The following TAFA5 variants were observed in gnomAD, a reference collection of about 807,000 sequenced individuals.
TAFA5 encodes chemokine-like protein TAFA-5.
Under a neutral mutation model 15.3 loss-of-function variants are expected in TAFA5, and 6 were observed. That is an observed-to-expected ratio of 0.39 (90% CI 0.21 to 0.77). TAFA5 has a LOEUF of 0.77. Ranked by LOEUF, TAFA5 falls within the 30% of genes least tolerant of loss-of-function variation. The pLI is 0.41. For missense variants in TAFA5, 161 were observed against 193.1 expected (o/e 0.83, Z 0.98); for synonymous variants, 103 against 80.7 (o/e 1.28, Z -1.48).
At chr22:48,684,134 T>C (rs2147232590) in intron 2 of TAFA5, among the ~76,000 whole-genome samples, 1 of 152,318 alleles carries the variant, frequency 6.6e-6, no homozygotes, top group East Asian at 1.9e-4. Context: ...AGCCGTTACC[T>C]GAATTCCAGG....
chr22:48,628,995 G>A (rs1443682683), intron 1 of TAFA5, among the ~76,000 whole-genome samples: 1 of 152,164 alleles, frequency 6.6e-6, no homozygotes, highest in African/African-American at 2.4e-5. Context: ...AAGAGGAGAG[G>A]AGTAAAGAGG....
At chr22:48,516,129 G>A (rs1246886008) in intron 1 of TAFA5, among the ~76,000 whole-genome samples, 1 of 152,124 alleles carries the variant, frequency 6.6e-6, no homozygotes, top group South Asian at 2.1e-4. Flanking sequence ...GCCCGGCAAC[G>A]CACTTGCCAT....
intron 1 of TAFA5, among the ~76,000 whole-genome samples, chr22:48,634,323 CACTT>C (rs1280547172): frequency 5.9e-5 from 9 of 152,184 alleles, no homozygotes; most frequent in Non-Finnish European, 1.2e-4. Flanking sequence ...TTTATTCACT[CACTT>C]ATTCAATCAT....
intron 3 of TAFA5, among the ~76,000 whole-genome samples, chr22:48,709,152 C>T (rs575920625): frequency 9.9e-5 from 15 of 152,272 alleles, no homozygotes; most frequent in African/African-American, 3.1e-4. Context: ...AGGGCCTCCC[C>T]AGGTGTGGGC....
rs1008177348 is a variant in TAFA5 at position 48,515,238 on chromosome 22, C to T, written c.112+25534C>T. On this transcript the variant is annotated intron_variant, in intron 1 of 3. Coordinates refer to ENST00000402357, the MANE Select transcript of TAFA5 (RefSeq NM_001082967.3). ...CCTCTCAGCAGTGGGTGAAGAACCTCAGTTAGGAATTATTCCCTGGAAAGG... is the reference window on the plus strand; with the variant it reads ...CCTCTCAGCAGTGGGTGAAGAACCTTAGTTAGGAATTATTCCCTGGAAAGG... 2.0e-5 allele frequency among the ~76,000 whole-genome samples: 3 copies of T among 151,998 alleles called. No individual in the cohort carries two copies. The South Asian group carries it at 6.2e-4, about 31-fold the overall frequency.
rs1007911310 is a variant in TAFA5 at position 48,598,444 on chromosome 22, G to A, written c.113-48153G>A. On this transcript the variant is annotated intron_variant, in intron 1 of 3. Coordinates refer to ENST00000402357, the MANE Select transcript of TAFA5 (RefSeq NM_001082967.3). This position sits in a 1 kb window ranked among gnomAD's most constrained non-coding sequence, Gnocchi z 4.0. ...TGTGATCGTGCTTAGTGTTTATGGC[G>A]TGGGGCTGAGGGAGACCACACAGGA... is the stretch of plus-strand genomic sequence containing the variant. Among the ~76,000 whole-genome samples, 4 of 152,166 alleles carry A rather than the reference G, an allele frequency of 2.6e-5. No homozygotes were observed. The highest frequency in any genetic ancestry group is 4.4e-5 in the Non-Finnish European group (3 of 68,022).
chr22:48,689,191 C>T (rs866816313), intron 2 of TAFA5, among the ~76,000 whole-genome samples: 3 of 152,042 alleles, frequency 2.0e-5, no homozygotes, highest in African/African-American at 4.8e-5. Flanking sequence ...TAGGGAGGCG[C>T]GGTTTTCAAA....
At position 48,671,910 on chromosome 22, in the gene TAFA5, G is replaced by A. The variant is rs79515042; in HGVS notation, c.262+25164G>A. 4.8e-3 allele frequency among the ~76,000 whole-genome samples: 735 copies of A among 152,244 alleles called. 7 individuals are homozygous for A. Among genetic ancestry groups the A allele is most frequent in the African/African-American group, 0.017 (695 of 41,526 alleles). Reference sequence around the variant, plus strand: ...TATCTGATGAGTGGGGAGTAAGCCCGGGCTGTGAAACTGCATCCTTGGGGT... The same window carrying A: ...TATCTGATGAGTGGGGAGTAAGCCCAGGCTGTGAAACTGCATCCTTGGGGT... On this transcript the variant is annotated intron_variant, in intron 2 of 3. Transcript: ENST00000402357.
At chr22:48,512,125 G>T (rs1032853491) in intron 1 of TAFA5, among the ~76,000 whole-genome samples, 1 of 152,198 alleles carries the variant, frequency 6.6e-6, no homozygotes, top group Non-Finnish European at 1.5e-5. Context: ...AGGCTGCAAG[G>T]TGACTGAGCC....
chr22:48,532,496 T>G (rs567054824), intron 1 of TAFA5, among the ~76,000 whole-genome samples: 4 of 152,270 alleles, frequency 2.6e-5, no homozygotes, highest in African/African-American at 7.2e-5. Context: ...TGTATTTTGG[T>G]CTCAGGTTTT....
rs1601558659 is a variant in TAFA5, at chr22:48,530,889, G to A, written c.112+41185G>A. 6.6e-6 allele frequency among the ~76,000 whole-genome samples: 1 copy of A among 152,198 alleles called. No individual in the cohort carries two copies. Among genetic ancestry groups the A allele is most frequent in the African/African-American group, 2.4e-5 (1 of 41,454 alleles). On this transcript the variant is annotated intron_variant, in intron 1 of 3. Coordinates refer to ENST00000402357, the MANE Select transcript of TAFA5 (RefSeq NM_001082967.3). The surrounding 1 kb of genome is among the most constrained non-coding windows in gnomAD (Gnocchi z 6.0). ...TGTCCCTCGGGTTCCAAATGAAAGT[G>A]GCTGAGATGTCACAGTGACATGACA...
chr22:48,644,996 G>A (rs1926813988), intron 1 of TAFA5, among the ~76,000 whole-genome samples: 1 of 152,266 alleles, frequency 6.6e-6, no homozygotes, highest in South Asian at 2.1e-4. Context: ...CCAGCTGGAA[G>A]GGGCCCCTGG....
chr22:48,506,310 C>T (rs1056834747), intron 1 of TAFA5, among the ~76,000 whole-genome samples: 2 of 152,242 alleles, frequency 1.3e-5, no homozygotes, highest in Admixed American at 6.5e-5. Flanking sequence ...CAGCCGGGAA[C>T]ATGGGGTCCA....
At chr22:48,689,048 C>T (rs377461296) in intron 2 of TAFA5, among the ~76,000 whole-genome samples, 36 of 150,080 alleles carry the variant, frequency 2.4e-4, no homozygotes, top group African/African-American at 8.1e-4. Context: ...TGCAGTTTAA[C>T]TGCTAAGCAC....
intron 2 of TAFA5, among the ~76,000 whole-genome samples, chr22:48,674,941 C>A (rs1927923956): frequency 1.5e-5 from 2 of 133,396 alleles, no homozygotes; most frequent in Middle Eastern, 4.2e-3. Flanking sequence ...GCTGTCTGGC[C>A]AGTTTTTTTT....
In TAFA5 at chr22:48,552,867, G is replaced by A. The variant is rs1922904826; in HGVS notation, c.112+63163G>A. 6.6e-6 allele frequency among the ~76,000 whole-genome samples: 1 copy of A among 152,064 alleles called. No individual in the cohort carries two copies. The highest frequency in any genetic ancestry group is 1.5e-5 in the Non-Finnish European group (1 of 68,000). ...AGGAGGCCCAGAGCCAGCCCTGGGT[G>A]CTGAGCCCCTGGTTTCCCACTGTTG... On this transcript the variant is annotated intron_variant, in intron 1 of 3. Coordinates refer to ENST00000402357, the MANE Select transcript of TAFA5 (RefSeq NM_001082967.3). This position sits in a 1 kb window ranked among gnomAD's most constrained non-coding sequence, Gnocchi z 4.1.
At chr22:48,695,107 G>GGT (rs1255020235) in intron 2 of TAFA5, among the ~76,000 whole-genome samples, 33 of 151,918 alleles carry the variant, frequency 2.2e-4, no homozygotes, top group Admixed American at 2.2e-3. Flanking sequence ...GAGGCCAGGT[G>GGT]GTGTGTGTGT....
At chr22:48,539,231 T>C (rs1922274825) in intron 1 of TAFA5, 2 of 359,034 alleles carry the variant, frequency 5.6e-6, no homozygotes, top group Admixed American at 7.4e-5. Flanking sequence ...TGTATGGAAA[T>C]GAAGACAGGA....
intron 1 of TAFA5, among the ~76,000 whole-genome samples, chr22:48,580,302 C>T (rs748709593): frequency 3.9e-5 from 6 of 152,204 alleles, no homozygotes; most frequent in Non-Finnish European, 5.9e-5. Flanking sequence ...GTTATGGCTC[C>T]GCGCAGTCAT....
Sources: allele counts gnomAD v4.1 joint callset (sites outside exome capture counted in the v4.1 genomes callset), GRCh38; gene constraint gnomAD v4.1.1; non-coding constraint Gnocchi (gnomAD v3.1); transcripts MANE v1.5; gene names NCBI Gene and HGNC (gene_info 2026-07-23, HGNC 2026-07-21).